The following TLK2 variants were observed in gnomAD, a reference collection of about 807,000 sequenced individuals.
TLK2 encodes serine/threonine-protein kinase tousled-like 2.
TLK2 carries 6 observed loss-of-function variants against 117.3 expected under a neutral mutation model. The observed-to-expected ratio is 0.05, with a 90% CI of 0.03 to 0.10. The LOEUF (loss-of-function observed/expected upper bound fraction) is 0.10. Ranked by LOEUF, TLK2 falls within the 10% of genes least tolerant of loss-of-function variation. The pLI, the probability that TLK2 is intolerant of heterozygous loss-of-function variation, is 1.00. For missense variants in TLK2, 299 were observed against 901.2 expected (o/e 0.33, Z 8.56); for synonymous variants, 257 against 316.7 (o/e 0.81, Z 2.00).
At chr17:62,581,893 A>T (rs1003227314) in intron 15 of TLK2, among the ~76,000 whole-genome samples, 2 of 151,844 alleles carry the variant, frequency 1.3e-5, no homozygotes, top group Non-Finnish European at 2.9e-5. Flanking sequence ...ATGCTCTGGA[A>T]CCCTTTTCAT....
At position 62,613,882 on chromosome 17, in the gene TLK2, T is replaced by G. The variant is rs1183976801; in HGVS notation, c.*1317T>G. On this transcript the variant is annotated 3_prime_UTR_variant, in exon 22 of 22. Transcript: ENST00000346027. ...GGTTCACGCCTGTAATCCCAGCACT[T>G]TGGGAGGCCGAGGTGGGTGGATCAC... 6.6e-6 allele frequency: 1 copy of G among 152,126 alleles called. No individual in the cohort carries two copies. Among genetic ancestry groups the G allele is most frequent in the Non-Finnish European group, 1.5e-5 (1 of 68,034 alleles). 9.4% of individuals were successfully genotyped at this position (152,126 alleles called of 1,614,324 possible).
intron 2 of TLK2, among the ~76,000 whole-genome samples, chr17:62,496,323 T>A (rs1394137285): frequency 6.6e-6 from 1 of 152,200 alleles, no homozygotes; most frequent in Non-Finnish European, 1.5e-5. Flanking sequence ...TGATGGACAC[T>A]TAGATGGACA....
intron 6 of TLK2, among the ~76,000 whole-genome samples, chr17:62,533,386 G>GTGTGTC (rs1170140047): frequency 7.1e-6 from 1 of 140,336 alleles, no homozygotes; most frequent in Admixed American, 7.2e-5. Context: ...GTGTGTGTGT[G>GTGTGTC]TGTGTCTGTG....
At chr17:62,569,656 A>C (rs1432656443) in intron 11 of TLK2, among the ~76,000 whole-genome samples, 2 of 151,838 alleles carry the variant, frequency 1.3e-5, no homozygotes, top group Non-Finnish European at 2.9e-5. Flanking sequence ...GGCTGGTCTC[A>C]AACTAAGTGA....
chr17:62,584,490 A>C (rs1336412219), intron 15 of TLK2, among the ~76,000 whole-genome samples: 1 of 152,098 alleles, frequency 6.6e-6, no homozygotes, highest in African/African-American at 2.4e-5. Flanking sequence ...TTGTGAATGG[A>C]CTGAAGATTC....
rs1359589084 is a variant in TLK2 at position 62,614,017 on chromosome 17, G to A, written c.*1452G>A. On this transcript the variant is annotated 3_prime_UTR_variant, in exon 22 of 22. Coordinates refer to ENST00000346027, the MANE Select transcript of TLK2 (RefSeq NM_006852.6). ...CGTGTGCCTCTAGTCCCAGCTACCC[G>A]GGAGGCTGAGGCAGGAGAATTTCTG... 7.9e-5 allele frequency: 12 copies of A among 151,648 alleles called. No homozygotes were observed. The highest frequency in any genetic ancestry group is 7.4e-5 in the Non-Finnish European group (5 of 67,936). 9.4% of individuals were successfully genotyped at this position (151,648 alleles called of 1,614,324 possible).
Position 62,564,278 on chromosome 17 carries a change from C to T in TLK2, c.832-723C>T, listed in dbSNP as rs1417653144. On this transcript the variant is annotated intron_variant, in intron 10 of 21. Transcript: ENST00000346027. ...ATTGGCCGGGTGTGGTGGCTCACGC[C>T]TGTAATCTCAGCACTTTGGGAGGCC... Among the ~76,000 whole-genome samples, 7 of 152,212 alleles carry T rather than the reference C, an allele frequency of 4.6e-5. No individual in the cohort carries two copies. The South Asian group carries it at 1.2e-3, about 27-fold the overall frequency.
intron 7 of TLK2, among the ~76,000 whole-genome samples, chr17:62,547,580 A>G (rs527870630): frequency 6.6e-6 from 1 of 152,272 alleles, no homozygotes; most frequent in African/African-American, 2.4e-5. Context: ...CAACTGAGGA[A>G]TTTCCTAACT....
intron 2 of TLK2, among the ~76,000 whole-genome samples, chr17:62,518,944 G>A (rs1290102885): frequency 2.6e-5 from 4 of 152,164 alleles, no homozygotes; most frequent in Non-Finnish European, 5.9e-5. Context: ...ATGTGCAGTG[G>A]CGCGATCTTG....
chr17:62,478,555 G>A (rs2071191576), upstream of TLK2, among the ~76,000 whole-genome samples: 2 of 150,196 alleles, frequency 1.3e-5, no homozygotes, highest in African/African-American at 2.4e-5. Context: ...GTCAGCCGGC[G>A]CCGCCCGTCG....
Position 62,559,371 on chromosome 17 carries a change from T to A in TLK2, c.721-645T>A, listed in dbSNP as rs185621655. ...TTTAAACATTCATTGTAGTTTATTT[T>A]TTTTTTATTTTTTATTTTTTTTTTT... On this transcript the variant is annotated intron_variant, in intron 9 of 21. Coordinates refer to ENST00000346027, the MANE Select transcript of TLK2 (RefSeq NM_006852.6). 5.7e-3 allele frequency among the ~76,000 whole-genome samples: 871 copies of A among 152,034 alleles called. 2 individuals are homozygous for A. The highest frequency in any genetic ancestry group is 8.8e-3 in the African/African-American group (365 of 41,508).
At position 62,524,296 on chromosome 17, in the gene TLK2, T is replaced by C. The variant is rs1230646730; in HGVS notation, c.328T>C (p.Ser110Pro). 1 of 1,613,778 alleles carries C rather than the reference T, an allele frequency of 6.2e-7. No individual in the cohort carries two copies. Among genetic ancestry groups the C allele is most frequent in the Non-Finnish European group, 8.5e-7 (1 of 1,179,830 alleles). Residue 110 changes from serine to proline, a missense_variant, in exon 6 of 22, where the codon TCC becomes CCC. This residue lies in a region of TLK2 where 105 missense variants were observed against 218.4 expected (regional missense o/e 0.48). Coordinates refer to ENST00000346027, the MANE Select transcript of TLK2 (RefSeq NM_006852.6). ...CAGAAGTGTTCCACCAGTTGCACGA[T>C]CCTCACCGCAACATTCCTTATCCAA... is the stretch of plus-strand genomic sequence containing the variant. ...PGRSVPPVAR[S>P]SPQHSLSNPL...
At chr17:62,526,035 T>A (rs1056170255) in intron 6 of TLK2, among the ~76,000 whole-genome samples, 1 of 152,230 alleles carries the variant, frequency 6.6e-6, no homozygotes, top group Non-Finnish European at 1.5e-5. Context: ...TGTGTCAGTT[T>A]AGGTTGAATC....
chr17:62,524,703 G>A (rs1405161756), intron 6 of TLK2, among the ~76,000 whole-genome samples: 1 of 152,110 alleles, frequency 6.6e-6, no homozygotes, highest in Admixed American at 6.6e-5. Flanking sequence ...TATCTCCAGA[G>A]CTTATTCAGT....
Position 62,576,877 on chromosome 17 carries a change from A to G in TLK2, c.1188+102A>G, listed in dbSNP as rs1193999541. On this transcript the variant is annotated intron_variant, in intron 13 of 21. Coordinates refer to ENST00000346027, the MANE Select transcript of TLK2 (RefSeq NM_006852.6). ...TGGGTGAATGTAATAGTAGCTGCAC[A>G]TAGCAGCAGAAAGCTTCAGTGACTG... is the stretch of plus-strand genomic sequence containing the variant. 6.1e-6 allele frequency: 5 copies of G among 819,310 alleles called. No homozygotes were observed. In the Admixed American group the frequency reaches 8.8e-5, roughly 14 times the overall value. 50.8% of individuals were successfully genotyped at this position (819,310 alleles called of 1,614,324 possible).
At chr17:62,482,703 TG>T (rs2071828550) in intron 2 of TLK2, among the ~76,000 whole-genome samples, 1 of 152,108 alleles carries the variant, frequency 6.6e-6, no homozygotes, top group African/African-American at 2.4e-5. Flanking sequence ...CTGCCTGTCT[TG>T]GTGTTCCAAA....
chr17:62,502,254 C>G (rs537595711), intron 2 of TLK2, among the ~76,000 whole-genome samples: 1 of 152,092 alleles, frequency 6.6e-6, no homozygotes, highest in Admixed American at 6.6e-5. Context: ...CATTAGAATT[C>G]ATTGTAATTC....
intron 16 of TLK2, among the ~76,000 whole-genome samples, chr17:62,595,121 C>T (rs891086164): frequency 2.0e-5 from 3 of 151,964 alleles, no homozygotes; most frequent in Non-Finnish European, 2.9e-5. Flanking sequence ...ACCACCACGG[C>T]CAGCTAATTT....
intron 2 of TLK2, among the ~76,000 whole-genome samples, chr17:62,491,638 G>C (rs978605480): frequency 6.6e-6 from 1 of 152,102 alleles, no homozygotes; most frequent in African/African-American, 2.4e-5. Context: ...CAGGCTCCTC[G>C]AGTGCAGTAG....
Sources: allele counts gnomAD v4.1 joint callset (sites outside exome capture counted in the v4.1 genomes callset), GRCh38; gene constraint gnomAD v4.1.1; regional missense constraint gnomAD v4.1.1; transcripts MANE v1.5; gene names NCBI Gene and HGNC (gene_info 2026-07-23, HGNC 2026-07-21).